Variants in ODR4 observed in about 807,000 individuals in gnomAD.
ODR4 encodes the protein odr-4 GPCR localization factor homolog.
In ODR4, 47 loss-of-function variants were observed where a neutral mutation model predicts 60.2. The ratio of observed to expected loss-of-function variants is 0.78; its 90% CI spans 0.62 to 1.00. The LOEUF is 1.00. ODR4 is among the 50% of genes least tolerant of loss of function. The pLI, the probability that ODR4 is intolerant of heterozygous loss-of-function variation, is 0.00. For synonymous variants in ODR4, 178 were observed against 175.5 expected, an observed-to-expected ratio of 1.01 and a Z score of -0.11; for missense variants, 488 against 530.8, an observed-to-expected ratio of 0.92 and a Z score of 0.79.
rs1433356514 is a variant in ODR4, at chr1:186,421,216, G to T, written c.*2140G>T. 2.0e-5 allele frequency: 3 copies of T among 152,182 alleles called. No individual in the cohort carries two copies. The highest frequency in any genetic ancestry group is 4.8e-5 in the African/African-American group (2 of 41,446). The allele number at this position is 152,182 out of a possible 1,614,324, so 9.4% of individuals were successfully genotyped here. On this transcript the variant is annotated 3_prime_UTR_variant, in exon 14 of 14. Transcript: ENST00000287859. Reference sequence around the variant, plus strand: ...AAGGATGATCTTCAAGAAGGGAAATGATTCTAAAAGGATTATCTGAAATTG... The same window carrying T: ...AAGGATGATCTTCAAGAAGGGAAATTATTCTAAAAGGATTATCTGAAATTG...
intron 13 of ODR4, among the ~76,000 whole-genome samples, chr1:186,418,414 C>A (rs1661666317): frequency 6.6e-6 from 1 of 151,834 alleles, no homozygotes; most frequent in Admixed American, 6.6e-5. Flanking sequence ...CCTCAGCCTC[C>A]CGAGTAGCTG....
intron 12 of ODR4, among the ~76,000 whole-genome samples, chr1:186,408,036 T>C (rs1160352357): frequency 1.3e-5 from 2 of 152,144 alleles, no homozygotes; most frequent in Non-Finnish European, 2.9e-5. Context: ...AAAAATAATA[T>C]AGCCATTATT....
intron 12 of ODR4, among the ~76,000 whole-genome samples, chr1:186,409,881 T>A (rs1367428488): frequency 2.0e-5 from 3 of 152,016 alleles, no homozygotes; most frequent in Non-Finnish European, 4.4e-5. Flanking sequence ...GTAGATACTA[T>A]GTTTTTACTA....
chr1:186,395,284 C>CG (rs1660627636), intron 9 of ODR4, among the ~76,000 whole-genome samples: 1 of 152,072 alleles, frequency 6.6e-6, no homozygotes. Context: ...TTAGTAGAGA[C>CG]GGGTTTCACT....
chr1:186,401,315 A>G (rs767190660), intron 11 of ODR4: 81 of 762,342 alleles, frequency 1.1e-4, no homozygotes, highest in Non-Finnish European at 1.5e-4. Flanking sequence ...AAAAGTTTTT[A>G]CTGGCAATTG....
At chr1:186,399,606 TCTC>T (rs1660844090) in intron 11 of ODR4, among the ~76,000 whole-genome samples, 2 of 152,272 alleles carry the variant, frequency 1.3e-5, no homozygotes, top group South Asian at 2.1e-4. Context: ...CAAGTGAACT[TCTC>T]CTGCCAGAAT....
chr1:186,423,443 CTTTTTTTT>C (rs34515188), downstream of ODR4, among the ~76,000 whole-genome samples: 5 of 44,714 alleles, frequency 1.1e-4, no homozygotes, highest in South Asian at 1.2e-3. Flanking sequence ...ACTACTTGTG[CTTTTTTTT>C]TTTTTTTTTT....
intron 11 of ODR4, among the ~76,000 whole-genome samples, chr1:186,402,198 C>CTTTCTTTT (rs1290928201): frequency 7.1e-6 from 1 of 141,638 alleles, no homozygotes; most frequent in Non-Finnish European, 1.5e-5. Context: ...TTCTTTCTTT[C>CTTTCTTTT]TTTCTTTCTT....
At chr1:186,429,647 C>A in the ODR4 span, among the ~76,000 whole-genome samples, 1 of 150,984 alleles carries the variant, frequency 6.6e-6, no homozygotes, top group Admixed American at 6.6e-5. Context: ...TTTACCTACC[C>A]CTACAATCCT....
In ODR4 at chr1:186,417,456, G is replaced by A. The variant is rs2274777; in HGVS notation, c.1187-88G>A. 2.0e-4 allele frequency: 149 copies of A among 732,234 alleles called. 1 individual carries two copies. The East Asian group carries it at 3.4e-3, about 17-fold the overall frequency. The allele number at this position is 732,234 out of a possible 1,614,324, so 45.4% of individuals were successfully genotyped here. A position where few individuals can be genotyped will look rare whatever the true frequency, so the allele number is the denominator to read the frequency against. ...AAGTAGAAAGAAAATGGTGATGATC[G>A]TATAGTTTTTTATAATGTTCTTTAA... On this transcript the variant is annotated intron_variant, in intron 12 of 13. Transcript: ENST00000287859.
rs201764660 is a variant in ODR4, at chr1:186,406,208, G to A, written c.1126G>A (p.Glu376Lys). Reference sequence around the variant, plus strand: ...TGAAGAAATCAGGGACCATTTTATGGAGATGTTGGATCACACAATTCAAAT... The same window carrying A: ...TGAAGAAATCAGGGACCATTTTATGAAGATGTTGGATCACACAATTCAAAT... ...SAEEIRDHFM[E>K]MLDHTIQIED... The change falls in exon 12 of 14, where the codon GAG (glutamate) becomes AAG (lysine). Residue 376 changes from glutamate to lysine, a missense_variant. By Grantham distance (56) the Glu-to-Lys change is moderately conservative. Coordinates refer to ENST00000287859, the MANE Select transcript of ODR4 (RefSeq NM_017847.6). 6.0e-4 allele frequency: 968 copies of A among 1,611,400 alleles called. 1 individual carries two copies. The highest frequency in any genetic ancestry group is 6.9e-4 in the Non-Finnish European group (818 of 1,178,752).
At chr1:186,386,575 A>G (rs1660261153) in intron 4 of ODR4, among the ~76,000 whole-genome samples, 1 of 152,170 alleles carries the variant, frequency 6.6e-6, no homozygotes, top group Admixed American at 6.5e-5. Flanking sequence ...GTTGTAAAAA[A>G]GGCATCTTTG....
At chr1:186,429,414 T>C in the ODR4 span, among the ~76,000 whole-genome samples, 1 of 152,200 alleles carries the variant, frequency 6.6e-6, no homozygotes, top group African/African-American at 2.4e-5. Flanking sequence ...AACTTTCTAC[T>C]TGTAAAAAAT....
At chr1:186,433,173 C>G in the ODR4 span, among the ~76,000 whole-genome samples, 2 of 151,986 alleles carry the variant, frequency 1.3e-5, no homozygotes, top group Non-Finnish European at 1.5e-5. Flanking sequence ...TACTTATTTC[C>G]TTATGTTTGT....
intron 3 of ODR4, 128 bp from the exon 4 acceptor site, chr1:186,385,860 C>T (rs2102025089): frequency 1.7e-6 from 1 of 581,178 alleles, no homozygotes; most frequent in East Asian, 3.2e-5. Flanking sequence ...ATGTTGTTAT[C>T]AGATAGTTTT....
intron 12 of ODR4, among the ~76,000 whole-genome samples, chr1:186,413,443 A>C (rs1197724602): frequency 6.6e-6 from 1 of 152,162 alleles, no homozygotes; most frequent in East Asian, 1.9e-4. Context: ...TAAATGACTT[A>C]AGAGATGAAG....
chr1:186,402,428 C>G (rs919871553), intron 11 of ODR4, among the ~76,000 whole-genome samples: 1 of 150,820 alleles, frequency 6.6e-6, no homozygotes, highest in Non-Finnish European at 1.5e-5. Flanking sequence ...GAGACAGGGT[C>G]TCTCTCTGTC....
At chr1:186,412,828 CAGAA>C (rs138750160) in intron 12 of ODR4, among the ~76,000 whole-genome samples, 7,370 of 152,024 alleles carry the variant, frequency 0.048, 256 homozygotes, top group Non-Finnish European at 0.071. Flanking sequence ...GCTTTCTAAA[CAGAA>C]AGAGATATAT....
In ODR4 at chr1:186,419,442, TCA is replaced by T. The variant is rs1661699745; in HGVS notation, c.*370_*371del. ...AAAACTTTAACAGAGGCATGATGGC[TCA>T]CACGTATAATCCTAATGCTTTGAGA... is the stretch of plus-strand genomic sequence containing the variant. On this transcript the variant is annotated 3_prime_UTR_variant, in exon 14 of 14. Coordinates refer to ENST00000287859, the MANE Select transcript of ODR4 (RefSeq NM_017847.6). 1 of 230,692 alleles carries T rather than the reference TCA, an allele frequency of 4.3e-6. No homozygotes were observed. The highest frequency in any genetic ancestry group is 2.3e-5 in the African/African-American group (1 of 43,612). The allele number at this position is 230,692 out of a possible 1,614,324, so 14.3% of individuals were successfully genotyped here.
Sources: allele counts gnomAD v4.1 joint callset (sites outside exome capture counted in the v4.1 genomes callset), GRCh38; gene constraint gnomAD v4.1.1; transcripts MANE v1.5; gene names NCBI Gene and HGNC (gene_info 2026-07-23, HGNC 2026-07-21).